The following CASZ1 variants were observed in gnomAD, a reference collection of about 807,000 sequenced individuals.
CASZ1 encodes the protein zinc finger protein castor homolog 1.
Under a neutral mutation model 135.2 loss-of-function variants are expected in CASZ1, and 28 were observed. That is an observed-to-expected ratio of 0.21 (90% CI 0.15 to 0.28). The LOEUF is 0.28. CASZ1 is among the 10% of genes least tolerant of loss of function. CASZ1 has a pLI of 1.00. For missense variants in CASZ1, 2,161 were observed against 2,453.3 expected, an observed-to-expected ratio of 0.88 and a Z score of 2.52; for synonymous variants, 1,068 against 1,073.4, an observed-to-expected ratio of 0.99 and a Z score of 0.10.
At position 10,713,931 on chromosome 1, in the gene CASZ1, G is replaced by A. The variant is rs567259678; in HGVS notation, c.-76-8387C>T. 1.8e-4 allele frequency among the ~76,000 whole-genome samples: 28 copies of A among 152,326 alleles called. 1 individual carries two copies. In the South Asian group the frequency reaches 3.7e-3, roughly 20 times the overall value. On this transcript the variant is annotated intron_variant, in intron 2 of 20. Coordinates refer to ENST00000377022, the MANE Select transcript of CASZ1 (RefSeq NM_001079843.3). ...ATCCCTCTTGGCTTCCCAAGGTTAC[G>A]CCTTCAACTTCAAAGGAGAAGAAAA...
rs538622781 is a variant in CASZ1, at chr1:10,703,194, G to T, written c.-24+2298C>A. 4.6e-5 allele frequency among the ~76,000 whole-genome samples: 7 copies of T among 152,310 alleles called. No individual in the cohort carries two copies. The East Asian group carries it at 1.2e-3, about 25-fold the overall frequency. ...CAGCAGACCTCTGGCCGCGGCCGCA[G>T]CTCCCGTCTCCTTGCCCACTCCCTT... On this transcript the variant is annotated intron_variant, in intron 3 of 20. Transcript: ENST00000377022.
rs921943429 is a variant in CASZ1, at chr1:10,657,355, C to T, written c.1410-619G>A. 3.9e-5 allele frequency among the ~76,000 whole-genome samples: 6 copies of T among 152,162 alleles called. No homozygotes were observed. The highest frequency in any genetic ancestry group is 6.5e-5 in the Admixed American group (1 of 15,286). ...GACGTGGCTCCCACAGCCTCGGTGACGGCCGGCCGTGGGGAGGCCACTCTG... is the reference window on the plus strand; with the variant it reads ...GACGTGGCTCCCACAGCCTCGGTGATGGCCGGCCGTGGGGAGGCCACTCTG... On this transcript the variant is annotated intron_variant, in intron 7 of 20. Transcript: ENST00000377022. The surrounding 1 kb of genome is among the most constrained non-coding windows in gnomAD (Gnocchi z 5.7).
chr1:10,722,980 T>C (rs1639529239), intron 2 of CASZ1, among the ~76,000 whole-genome samples: 3 of 152,196 alleles, frequency 2.0e-5, no homozygotes, highest in Admixed American at 1.3e-4. Context: ...GTGAGCCGGG[T>C]CTGCCACTGT....
chr1:10,680,989 C>T lies in CASZ1; in HGVS notation c.16+12885G>A, dbSNP rs1233236909. On this transcript the variant is annotated intron_variant, in intron 4 of 20. Coordinates refer to ENST00000377022, the MANE Select transcript of CASZ1 (RefSeq NM_001079843.3). ...AATCTCGGCTCACTGCAACCTCCACCTCCTGGATTCAAGCGATTCTCCTGC... is the reference window on the plus strand; with the variant it reads ...AATCTCGGCTCACTGCAACCTCCACTTCCTGGATTCAAGCGATTCTCCTGC... Among the ~76,000 whole-genome samples the T allele has an allele frequency of 2.6e-5, 4 of 152,314 alleles. No homozygotes were observed. In the East Asian group the frequency reaches 7.7e-4, roughly 29 times the overall value.
At chr1:10,766,204 GCACACA>G (rs143572570) in intron 1 of CASZ1, among the ~76,000 whole-genome samples, 1 of 148,520 alleles carries the variant, frequency 6.7e-6, no homozygotes, top group Non-Finnish European at 1.5e-5. Flanking sequence ...TTCAGCACGT[GCACACA>G]CACACACACA....
In CASZ1 at chr1:10,650,741, C is replaced by G; in HGVS notation, c.2831G>C (p.Gly944Ala). ...AGATGAATTTGCCGGGACTGCGTGG[C>G]CATTTGATTCGTTGCTAGAACACAC... is the stretch of plus-strand genomic sequence containing the variant. ...TVKEPSNESN[G>A]HAVPANSSLL... The change falls in exon 13 of 21, where the codon GGC (glycine) becomes GCC (alanine). Residue 944 changes from glycine to alanine, a missense_variant. This residue lies in a region of CASZ1 where 406 missense variants were observed against 387.6 expected (regional missense o/e 1.05). Coordinates refer to ENST00000377022, the MANE Select transcript of CASZ1 (RefSeq NM_001079843.3). 6.2e-7 allele frequency: 1 copy of G among 1,614,126 alleles called. No homozygotes were observed. Among genetic ancestry groups the G allele is most frequent in the South Asian group, 1.1e-5 (1 of 91,084 alleles).
intron 2 of CASZ1, among the ~76,000 whole-genome samples, chr1:10,738,643 A>G (rs1012213281): frequency 3.9e-5 from 6 of 152,292 alleles, no homozygotes; most frequent in African/African-American, 1.4e-4. Context: ...CCTCGACCCA[A>G]CTGGCCCTTT....
At chr1:10,689,463 ACACT>A (rs1157869629) in intron 4 of CASZ1, among the ~76,000 whole-genome samples, 8 of 152,218 alleles carry the variant, frequency 5.3e-5, no homozygotes, top group African/African-American at 1.4e-4. Context: ...GGTCTGAGTA[ACACT>A]CACATTCAGT....
intron 5 of CASZ1, 72 bp from the exon 6 acceptor site, chr1:10,660,608 C>T (rs545642992): frequency 6.6e-6 from 9 of 1,363,194 alleles, no homozygotes; most frequent in Non-Finnish European, 8.1e-6. Flanking sequence ...CCACTGGGGG[C>T]CCCCACCCAT....
chr1:10,659,685 G>C lies in CASZ1; in HGVS notation c.1340+17C>G, dbSNP rs1321718712. 1 of 1,592,980 alleles carries C rather than the reference G, an allele frequency of 6.3e-7. No homozygotes were observed. The highest frequency in any genetic ancestry group is 8.6e-7 in the Non-Finnish European group (1 of 1,160,852). ...TGGCTCCTGGCTCTGGGCATTGTGG[G>C]GTGGGGAGCGCCTTACTTGACAGTG... On this transcript the variant is annotated intron_variant, in intron 6 of 20. Coordinates refer to ENST00000377022, the MANE Select transcript of CASZ1 (RefSeq NM_001079843.3).
Position 10,665,297 on chromosome 1 carries a change from G to A in CASZ1, c.291C>T (p.Ser97=), listed in dbSNP as rs764956311. The A allele has an allele frequency of 1.7e-5, 27 of 1,612,984 alleles. No individual in the cohort carries two copies. Among genetic ancestry groups the A allele is most frequent in the Admixed American group, 3.3e-5 (2 of 59,914 alleles). ...ACACGGGTGTGGGTGCCGGCTCCTC[G>A]CTGTACTCCCCGTTCACCCACTTCT... ...VIEKWVNGEY[S]EEPAPTPVLG... Residue 97 remains serine (S), a synonymous_variant, in exon 5 of 21, where the codon AGC becomes AGT. Coordinates refer to ENST00000377022, the MANE Select transcript of CASZ1 (RefSeq NM_001079843.3).
chr1:10,732,274 G>A (rs1639714480), intron 2 of CASZ1, among the ~76,000 whole-genome samples: 1 of 148,874 alleles, frequency 6.7e-6, no homozygotes, highest in East Asian at 2.0e-4. Context: ...GCAGTGAGCC[G>A]AGTGCAACTG....
intron 2 of CASZ1, among the ~76,000 whole-genome samples, chr1:10,708,220 A>G (rs1217302942): frequency 6.6e-6 from 1 of 152,200 alleles, no homozygotes; most frequent in Non-Finnish European, 1.5e-5. Context: ...GCTAAAAGTG[A>G]CAACAGCCTT....
intron 1 of CASZ1, among the ~76,000 whole-genome samples, chr1:10,769,180 G>A (rs976796491): frequency 5.9e-5 from 9 of 152,280 alleles, no homozygotes; most frequent in Middle Eastern, 3.4e-3. Flanking sequence ...GTAAGAGAAT[G>A]TGATTCAGCC....
chr1:10,643,724 G>A (rs1489063493), intron 18 of CASZ1, among the ~76,000 whole-genome samples: 3 of 152,164 alleles, frequency 2.0e-5, no homozygotes, highest in Non-Finnish European at 2.9e-5. Flanking sequence ...CAGCACCCAC[G>A]GGGCCTCGCT....
intron 15 of CASZ1, 95 bp downstream of exon 15, chr1:10,648,975 G>A: frequency 6.6e-7 from 1 of 1,504,380 alleles, no homozygotes; most frequent in Non-Finnish European, 9.0e-7. Flanking sequence ...CTGTGGCCCA[G>A]CGGGAACTGC....
chr1:10,696,117 A>G (rs951595520), intron 3 of CASZ1, among the ~76,000 whole-genome samples: 8 of 152,360 alleles, frequency 5.3e-5, no homozygotes, highest in South Asian at 4.1e-4. Flanking sequence ...CAAAGACATC[A>G]GGGAGTTAAC....
At chr1:10,786,530 G>A (rs574264160) in intron 1 of CASZ1, among the ~76,000 whole-genome samples, 1 of 152,296 alleles carries the variant, frequency 6.6e-6, no homozygotes, top group East Asian at 1.9e-4. Flanking sequence ...GTGTTTCCGT[G>A]TCCTCTCCCG....
At chr1:10,695,311 G>T (rs946164154) in intron 3 of CASZ1, among the ~76,000 whole-genome samples, 2 of 152,082 alleles carry the variant, frequency 1.3e-5, no homozygotes, top group African/African-American at 4.8e-5. Context: ...CCTTAAAACG[G>T]GTCCAAGTGT....
Sources: gnomAD v4.1 joint callset for allele counts (sites outside exome capture counted in the v4.1 genomes callset) on GRCh38, gnomAD v4.1.1 for gene constraint, gnomAD v4.1.1 regional missense constraint, Gnocchi (gnomAD v3.1) non-coding constraint, MANE v1.5 for transcripts, NCBI Gene and HGNC (gene_info 2026-07-23, HGNC 2026-07-21) for gene names.